The following RMDN2 variants were observed in gnomAD, a reference collection of about 807,000 sequenced individuals.
RMDN2 encodes regulator of microtubule dynamics protein 2.
A neutral mutation model predicts 52.8 loss-of-function variants in RMDN2; 61 were observed. That is an observed-to-expected ratio of 1.16 (90% CI 0.94 to 1.43). The LOEUF is 1.43. Ranked by LOEUF, RMDN2 falls within the 40% of genes most tolerant of loss-of-function variation. RMDN2 has a pLI of 0.00. For synonymous variants in RMDN2, 180 were observed against 153.1 expected (o/e 1.18, Z -1.30); for missense variants, 592 against 475.3 (o/e 1.25, Z -2.28).
rs1674764704 is a variant in RMDN2 at position 37,991,344 on chromosome 2, A to G, written c.945+47A>G. 4 of 925,672 alleles carry G rather than the reference A, an allele frequency of 4.3e-6. No homozygotes were observed. The South Asian group carries it at 1.0e-4, about 23-fold the overall frequency. 57.3% of individuals were successfully genotyped at this position (925,672 alleles called of 1,614,324 possible). ...ATAAACTTTATTTGAATATACTATG[A>G]TTATAGGATAAATTTTCAATGACTT... On this transcript the variant is annotated intron_variant, in intron 7 of 10. Coordinates refer to ENST00000354545, the MANE Select transcript of RMDN2 (RefSeq NM_001170791.3).
At chr2:38,001,119 T>A (rs1469064298) in intron 8 of RMDN2, among the ~76,000 whole-genome samples, 2 of 152,186 alleles carry the variant, frequency 1.3e-5, no homozygotes, top group African/African-American at 4.8e-5. Flanking sequence ...TGTGTCCTGA[T>A]ATGGTATAAG....
chr2:37,960,903 A>T (rs920120226), intron 2 of RMDN2, among the ~76,000 whole-genome samples: 1 of 152,210 alleles, frequency 6.6e-6, no homozygotes, highest in Non-Finnish European at 1.5e-5. Context: ...CAAATCCCTC[A>T]GCACTTGCTT....
intron 7 of RMDN2, 89 bp from the exon 8 acceptor site, chr2:37,997,327 C>T (rs1052538832): frequency 1.2e-5 from 10 of 807,874 alleles, no homozygotes; most frequent in African/African-American, 3.4e-5. Flanking sequence ...CACGTATATA[C>T]ACATAACACA....
At chr2:37,987,243 A>G (rs543651489) in intron 5 of RMDN2, among the ~76,000 whole-genome samples, 18 of 151,366 alleles carry the variant, frequency 1.2e-4, no homozygotes, top group African/African-American at 3.7e-4. Context: ...TGAAATACAT[A>G]GATGAAAATG....
chr2:38,042,490 A>G (rs1358976146), intron 10 of RMDN2, among the ~76,000 whole-genome samples: 2 of 146,878 alleles, frequency 1.4e-5, no homozygotes, highest in East Asian at 2.0e-4. Flanking sequence ...CATTTTCTCT[A>G]TTTTTCTAAC....
At chr2:38,034,935 A>G (rs997226835) in intron 10 of RMDN2, among the ~76,000 whole-genome samples, 1 of 152,168 alleles carries the variant, frequency 6.6e-6, no homozygotes, top group Non-Finnish European at 1.5e-5. Flanking sequence ...TGCTGAAGTA[A>G]GGACAGGAAA....
chr2:38,018,807 A>G (rs1293695100), downstream of RMDN2, among the ~76,000 whole-genome samples: 1 of 152,178 alleles, frequency 6.6e-6, no homozygotes, highest in Admixed American at 6.5e-5. Context: ...CTACCTCTTA[A>G]TCAGCCTCAT....
chr2:37,922,205 G>T (rs191805940), upstream of RMDN2, among the ~76,000 whole-genome samples: 10 of 152,270 alleles, frequency 6.6e-5, no homozygotes, highest in Admixed American at 3.9e-4. Context: ...TGAAGCGGGG[G>T]TTGGGGATTT....
At chr2:37,939,871 G>A (rs1667630436) in intron 2 of RMDN2, among the ~76,000 whole-genome samples, 1 of 152,098 alleles carries the variant, frequency 6.6e-6, no homozygotes, top group African/African-American at 2.4e-5. Flanking sequence ...GGGGCATTTA[G>A]CCCATTTACA....
Position 37,932,670 on chromosome 2 carries a change from G to A in RMDN2, c.452+2941G>A, listed in dbSNP as rs560216885. On this transcript the variant is annotated intron_variant, in intron 2 of 10. Coordinates refer to ENST00000354545, the MANE Select transcript of RMDN2 (RefSeq NM_001170791.3). Reference sequence around the variant, plus strand: ...AGAGGCGCCCCTCACCTCACGGGGCGGCTGGCCGGGCGGGGGGCTGACCCC... The same window carrying A: ...AGAGGCGCCCCTCACCTCACGGGGCAGCTGGCCGGGCGGGGGGCTGACCCC... Among the ~76,000 whole-genome samples the A allele has an allele frequency of 1.6e-3, 236 of 149,078 alleles. 1 individual carries two copies. The highest frequency in any genetic ancestry group is 5.6e-3 in the African/African-American group (226 of 40,500).
rs534046355 is a variant in RMDN2, at chr2:38,042,962, G to A, written c.1714-24020G>A. Reference sequence around the variant, plus strand: ...TGTTCCATGTGACCTAGAGAATAATGTGTATTCTGCTCTATTGGATGGAGA... The same window carrying A: ...TGTTCCATGTGACCTAGAGAATAATATGTATTCTGCTCTATTGGATGGAGA... On this transcript the variant is annotated intron_variant, in intron 10 of 10. Coordinates refer to the RMDN2 transcript ENST00000234195. 5.1e-3 allele frequency among the ~76,000 whole-genome samples: 778 copies of A among 152,228 alleles called. 5 individuals carry two copies. The highest frequency in any genetic ancestry group is 0.018 in the African/African-American group (733 of 41,540).
rs1558468703 is a variant in RMDN2, at chr2:37,956,887, TG to T, written c.453-17152del. Among the ~76,000 whole-genome samples, 8 of 151,834 alleles carry T rather than the reference TG, an allele frequency of 5.3e-5. No homozygotes were observed. In the South Asian group the frequency reaches 1.7e-3, roughly 32 times the overall value. On this transcript the variant is annotated intron_variant, in intron 2 of 10. Coordinates refer to ENST00000354545, the MANE Select transcript of RMDN2 (RefSeq NM_001170791.3). ...GTTCTCATTGTTCAACTCCCACTTA[TG>T]AGTGAGAACATGCAGTGTTTGGTTT...
rs902329806 is a variant in RMDN2 at position 38,017,487 on chromosome 2, A to G, written c.*248A>G. 78 of 1,088,848 alleles carry G rather than the reference A, an allele frequency of 7.2e-5. No individual in the cohort carries two copies. The highest frequency in any genetic ancestry group is 8.8e-5 in the Non-Finnish European group (72 of 817,988). The allele number at this position is 1,088,848 out of a possible 1,614,324, so 67.4% of individuals were successfully genotyped here. On this transcript the variant is annotated 3_prime_UTR_variant, in exon 11 of 11. Transcript: ENST00000354545. ...ATGTATGCTTTATATTTTTCTTATC[A>G]ATAAACTGCAGCCTTAAGAATATTT...
At chr2:38,046,426 A>G (rs1164335871) in intron 10 of RMDN2, among the ~76,000 whole-genome samples, 1 of 152,218 alleles carries the variant, frequency 6.6e-6, no homozygotes, top group Non-Finnish European at 1.5e-5. Context: ...GCAGCAGCAG[A>G]GAAAAAAAAG....
chr2:38,026,091 G>T (rs1211296369), intron 10 of RMDN2, among the ~76,000 whole-genome samples: 1 of 151,948 alleles, frequency 6.6e-6, no homozygotes, highest in South Asian at 2.1e-4. Flanking sequence ...TTTCTTTGTT[G>T]GGGGAAGTTT....
At chr2:38,045,226 CTG>C (rs1043066488) in intron 10 of RMDN2, among the ~76,000 whole-genome samples, 7 of 152,092 alleles carry the variant, frequency 4.6e-5, no homozygotes, top group Non-Finnish European at 8.8e-5. Flanking sequence ...GTTTTCTTCT[CTG>C]TATATGCTTT....
chr2:37,986,497 C>T (rs762189698), intron 5 of RMDN2, among the ~76,000 whole-genome samples: 14 of 151,972 alleles, frequency 9.2e-5, no homozygotes, highest in Non-Finnish European at 1.9e-4. Context: ...CTGTAGTAGG[C>T]CATTATCTCT....
At chr2:38,066,683 G>T (rs1330568557) in intron 10 of RMDN2, among the ~76,000 whole-genome samples, 1 of 152,166 alleles carries the variant, frequency 6.6e-6, no homozygotes, top group Non-Finnish European at 1.5e-5. Context: ...CTGTACTCCG[G>T]TCTTATACTC....
At chr2:37,980,230 C>A (rs1673120912) in intron 4 of RMDN2, among the ~76,000 whole-genome samples, 1 of 152,102 alleles carries the variant, frequency 6.6e-6, no homozygotes, top group Non-Finnish European at 1.5e-5. Flanking sequence ...ATTCTCAGAA[C>A]ACAGTTCTGT....
Sources: gnomAD v4.1 joint callset for allele counts (sites outside exome capture counted in the v4.1 genomes callset) on GRCh38, gnomAD v4.1.1 for gene constraint, MANE v1.5 for transcripts, NCBI Gene and HGNC (gene_info 2026-07-23, HGNC 2026-07-21) for gene names.